Variants in IBTK observed in about 807,000 individuals in gnomAD.
The protein encoded by IBTK is inhibitor of Bruton tyrosine kinase.
In IBTK, 83 loss-of-function variants were observed where a neutral mutation model predicts 154.9. The ratio of observed to expected loss-of-function variants is 0.54; its 90% CI spans 0.45 to 0.64. IBTK has a LOEUF of 0.64. Among genes scored for constraint, IBTK ranks in the 30% least tolerant of loss-of-function variants. The probability of loss-of-function intolerance (pLI) is 0.00; values close to 1 mark genes in which losing one functional copy is unlikely to be tolerated. For synonymous variants in IBTK, 515 were observed against 536.1 expected, an observed-to-expected ratio of 0.96 and a Z score of 0.54; for missense variants, 1,332 against 1,584.6, an observed-to-expected ratio of 0.84 and a Z score of 2.71.
intron 4 of IBTK, among the ~76,000 whole-genome samples, chr6:82,230,389 T>A (rs1215124947): frequency 6.6e-6 from 1 of 152,160 alleles, no homozygotes. Context: ...TTGGACTTTA[T>A]CCAAAGGTGA....
chr6:82,179,634 G>A (rs1425751496), intron 26 of IBTK, among the ~76,000 whole-genome samples: 1 of 152,190 alleles, frequency 6.6e-6, no homozygotes. Context: ...GGTCACTGTT[G>A]AACTTAGCCT....
Position 82,233,891 on chromosome 6 carries a change from G to A in IBTK, c.418+268C>T, listed in dbSNP as rs543741587. On this transcript the variant is annotated intron_variant, in intron 3 of 28. Coordinates refer to ENST00000306270, the MANE Select transcript of IBTK (RefSeq NM_015525.4). ...TGTAACTAGGATTGCCTGCTACCAT[G>A]CCCGGCTAACTTTTGTATTTTTAGT... is the stretch of plus-strand genomic sequence containing the variant. 3.8e-4 allele frequency among the ~76,000 whole-genome samples: 58 copies of A among 151,928 alleles called. 1 individual carries two copies. Among genetic ancestry groups the A allele is most frequent in the African/African-American group, 1.4e-3 (56 of 41,424 alleles).
intron 25 of IBTK, among the ~76,000 whole-genome samples, chr6:82,190,081 C>T (rs549443640): frequency 6.6e-6 from 1 of 152,262 alleles, no homozygotes; most frequent in African/African-American, 2.4e-5. Flanking sequence ...CAGTTTTACC[C>T]TCTTTTCTCT....
Position 82,196,973 on chromosome 6 carries a change from G to A in IBTK, c.3026-527C>T, listed in dbSNP as rs1769012009. Among the ~76,000 whole-genome samples, 5 of 152,162 alleles carry A rather than the reference G, an allele frequency of 3.3e-5. No homozygotes were observed. The South Asian group carries it at 1.0e-3, about 32-fold the overall frequency. On this transcript the variant is annotated intron_variant, in intron 21 of 28. Transcript: ENST00000306270. ...AAGACAACTGTGGCCTGTTTGAAGT[G>A]TGTTTTTCCCTGAAATCTCTGGCTA...
At chr6:82,195,166 G>C (rs1768933808) in intron 22 of IBTK, among the ~76,000 whole-genome samples, 1 of 152,088 alleles carries the variant, frequency 6.6e-6, no homozygotes, top group African/African-American at 2.4e-5. Context: ...AGATTCTTCT[G>C]TTATTGTAAA....
chr6:82,215,075 T>C (rs1769817294), intron 11 of IBTK, among the ~76,000 whole-genome samples: 1 of 152,188 alleles, frequency 6.6e-6, no homozygotes, highest in Non-Finnish European at 1.5e-5. Flanking sequence ...AAGAACTAAG[T>C]TGTCCGTATC....
At chr6:82,231,348 T>C (rs1770496942) in intron 4 of IBTK, among the ~76,000 whole-genome samples, 1 of 151,276 alleles carries the variant, frequency 6.6e-6, no homozygotes, top group Non-Finnish European at 1.5e-5. Context: ...TTATCAAAAA[T>C]AACACTGAGC....
At chr6:82,204,495 A>C in intron 17 of IBTK, among the ~76,000 whole-genome samples, 1 of 152,316 alleles carries the variant, frequency 6.6e-6, no homozygotes, top group African/African-American at 2.4e-5. Context: ...TGCAAATAGT[A>C]GAAAATGGGT....
In IBTK at chr6:82,193,711, T is replaced by G. The variant is rs1582199480; in HGVS notation, c.3338+768A>C. 3.9e-5 allele frequency among the ~76,000 whole-genome samples: 6 copies of G among 152,304 alleles called. No individual in the cohort carries two copies. The South Asian group carries it at 1.2e-3, about 32-fold the overall frequency. On this transcript the variant is annotated intron_variant, in intron 23 of 28. Transcript: ENST00000306270. ...TTTTTCTTTTTTTTGAGATGGAGTC[T>G]TGCTCTGTTGCCCAGGCTGGAGTGC...
intron 8 of IBTK, among the ~76,000 whole-genome samples, chr6:82,221,889 G>T (rs1770114107): frequency 2.0e-5 from 3 of 152,132 alleles, no homozygotes; most frequent in Admixed American, 2.0e-4. Context: ...TTTCTGCCAG[G>T]TGCAGTGGCT....
intron 26 of IBTK, among the ~76,000 whole-genome samples, chr6:82,180,451 T>C (rs1201137850): frequency 6.6e-6 from 1 of 152,062 alleles, no homozygotes; most frequent in Non-Finnish European, 1.5e-5. Flanking sequence ...CAGGGTTTCA[T>C]CATGTTGCCA....
chr6:82,234,382 C>T, intron 2 of IBTK, 127 bp from the exon 3 acceptor site: 1 of 257,288 alleles, frequency 3.9e-6, no homozygotes, highest in Non-Finnish European at 6.8e-6. Context: ...GTTGCCCAGG[C>T]TGGAGTGATG....
intron 13 of IBTK, among the ~76,000 whole-genome samples, chr6:82,211,942 T>C (rs2127813606): frequency 6.6e-6 from 1 of 152,346 alleles, no homozygotes; most frequent in South Asian, 2.1e-4. Context: ...CTCCACAGTT[T>C]ATCCTTCTCC....
intron 21 of IBTK, among the ~76,000 whole-genome samples, chr6:82,199,800 C>T (rs1431218595): frequency 2.6e-5 from 4 of 152,170 alleles, no homozygotes; most frequent in Non-Finnish European, 4.4e-5. Context: ...CTATACTGAA[C>T]TATATGCACA....
At chr6:82,234,357 C>A (rs1770638963) in intron 2 of IBTK, 102 bp from the exon 3 acceptor site, 1 of 328,676 alleles carries the variant, frequency 3.0e-6, no homozygotes, top group East Asian at 7.2e-5. Context: ...TTTTTTGAGA[C>A]AGAATTTCGC....
chr6:82,171,737 G>A (rs1409940215), intron 28 of IBTK, among the ~76,000 whole-genome samples, 181 bp from the exon 29 acceptor site: 2 of 152,170 alleles, frequency 1.3e-5, no homozygotes, highest in Admixed American at 6.5e-5. Flanking sequence ...CAAGGAGAAA[G>A]CTTGAGGTGT....
At chr6:82,247,221 T>C (rs1348454815) in intron 1 of IBTK, among the ~76,000 whole-genome samples, 1 of 152,224 alleles carries the variant, frequency 6.6e-6, no homozygotes, top group Non-Finnish European at 1.5e-5. Flanking sequence ...CAGGAATGGC[T>C]TCAAATCCAA....
At chr6:82,192,689 G>C (rs1318901413) in intron 23 of IBTK, among the ~76,000 whole-genome samples, 5 of 150,844 alleles carry the variant, frequency 3.3e-5, no homozygotes, top group Non-Finnish European at 7.4e-5. Flanking sequence ...AGAGGTTGCA[G>C]TGAGCTGAGA....
Position 82,194,642 on chromosome 6 carries a change from C to A in IBTK, c.3175G>T (p.Ala1059Ser). The change falls in exon 23 of 29, where the codon GCG becomes TCG. Residue 1059 changes from alanine to serine, a missense_variant and splice_region_variant. Ala to Ser is a moderately conservative substitution (Grantham distance 99). Around this residue, in one of 3 missense-constraint regions of IBTK, gnomAD observed 1,134 missense variants for 1,274.7 expected, o/e 0.89. Transcript: ENST00000306270. ...TTGFHSDKIEAKVKPYVNGTS... is the reference protein window; with the variant it reads ...TTGFHSDKIESKVKPYVNGTS... ...CCATTAACATACGGTTTGACTTTCGCCTGGGGAGAGAAAAAAAATAAAAAA... is the reference window on the plus strand; with the variant it reads ...CCATTAACATACGGTTTGACTTTCGACTGGGGAGAGAAAAAAAATAAAAAA... 1 of 1,561,630 alleles carries A rather than the reference C, an allele frequency of 6.4e-7. No homozygotes were observed.
Sources: gnomAD v4.1 joint callset for allele counts (sites outside exome capture counted in the v4.1 genomes callset) on GRCh38, gnomAD v4.1.1 for gene constraint, gnomAD v4.1.1 regional missense constraint, MANE v1.5 for transcripts, NCBI Gene and HGNC (gene_info 2026-07-23, HGNC 2026-07-21) for gene names.